Variants in CNTN5 observed in about 807,000 individuals in gnomAD.
CNTN5 encodes the protein contactin-5.
CNTN5 carries 77 observed loss-of-function variants against 129.1 expected under a neutral mutation model. The ratio of observed to expected loss-of-function variants is 0.60; its 90% CI spans 0.50 to 0.72. The LOEUF (loss-of-function observed/expected upper bound fraction) is 0.72, where lower values mean the gene tolerates loss of function less well. Ranked by LOEUF, CNTN5 falls within the 30% of genes least tolerant of loss-of-function variation. CNTN5 has a pLI of 0.00. For synonymous variants in CNTN5, 509 were observed against 465.6 expected (o/e 1.09, Z -1.20); for missense variants, 1,478 against 1,328.8 (o/e 1.11, Z -1.75).
intron 3 of CNTN5, among the ~76,000 whole-genome samples, chr11:99,708,432 C>A (rs183740867): frequency 3.2e-4 from 49 of 151,758 alleles, no homozygotes; most frequent in African/African-American, 1.2e-3. Context: ...CACAGTCAAT[C>A]AGTCAACATG....
In CNTN5 at chr11:99,930,363, T is replaced by A. The variant is rs554807360; in HGVS notation, c.673+14214T>A. Among the ~76,000 whole-genome samples, 3 of 152,318 alleles carry A rather than the reference T, an allele frequency of 2.0e-5. No homozygotes were observed. In the South Asian group the frequency reaches 6.2e-4, roughly 32 times the overall value. On this transcript the variant is annotated intron_variant, in intron 7 of 24. Transcript: ENST00000524871. ...TTCCACCATTTTGACCCTTACTGTG[T>A]ATGCCTGGATGTGTTTGTTCAATTC...
intron 2 of CNTN5, among the ~76,000 whole-genome samples, chr11:99,332,872 G>T (rs1055551794): frequency 6.6e-6 from 1 of 151,994 alleles, no homozygotes. Flanking sequence ...ATAGCCAGAG[G>T]TTCAAATATT....
At chr11:99,467,165 A>G (rs533122974) in intron 2 of CNTN5, among the ~76,000 whole-genome samples, 139 of 152,248 alleles carry the variant, frequency 9.1e-4, no homozygotes, top group African/African-American at 3.2e-3. Flanking sequence ...TATGTTTAAA[A>G]CATAAAAACA....
chr11:100,039,966 A>G (rs550000322), intron 9 of CNTN5, among the ~76,000 whole-genome samples: 1 of 151,994 alleles, frequency 6.6e-6, no homozygotes, highest in East Asian at 1.9e-4. Context: ...TCTTCTCTCA[A>G]CTCGTCAAAG....
intron 21 of CNTN5, chr11:100,337,613 A>G: frequency 1.4e-6 from 1 of 717,682 alleles, no homozygotes; most frequent in South Asian, 1.3e-5. Flanking sequence ...TTAAATCCAC[A>G]GATGCAGAAT....
At chr11:99,193,758 C>G (rs941162382) in intron 1 of CNTN5, among the ~76,000 whole-genome samples, 1 of 152,108 alleles carries the variant, frequency 6.6e-6, no homozygotes, top group Non-Finnish European at 1.5e-5. Flanking sequence ...AATTTAAATG[C>G]AAAGCCATTT....
At chr11:99,290,610 C>G (rs1038112854) in intron 1 of CNTN5, among the ~76,000 whole-genome samples, 1 of 151,826 alleles carries the variant, frequency 6.6e-6, no homozygotes, top group Non-Finnish European at 1.5e-5. Context: ...AAGTGCATTA[C>G]TTTTCTAGCA....
At chr11:99,132,894 GA>G (rs369062137) in intron 1 of CNTN5, among the ~76,000 whole-genome samples, 1 of 151,844 alleles carries the variant, frequency 6.6e-6, no homozygotes, top group East Asian at 1.9e-4. Context: ...CACAGTATTA[GA>G]AAAAAACTAT....
At chr11:99,607,785 T>A (rs1238576878) in intron 3 of CNTN5, among the ~76,000 whole-genome samples, 1 of 131,714 alleles carries the variant, frequency 7.6e-6, no homozygotes, top group Admixed American at 8.0e-5. Context: ...AGATGATGAG[T>A]TCATATCCTT....
In CNTN5 at chr11:99,238,689, C is replaced by G. The variant is rs1389337811; in HGVS notation, c.-209-86657C>G. On this transcript the variant is annotated intron_variant, in intron 1 of 24. Coordinates refer to ENST00000524871, the MANE Select transcript of CNTN5 (RefSeq NM_014361.4). ...TTTTTGTCAAAATTTTCACTAAGTT[C>G]TCCTCCAAGAATAGCATGTTTCTTG... Among the ~76,000 whole-genome samples, 5 of 152,080 alleles carry G rather than the reference C, an allele frequency of 3.3e-5. 1 individual carries two copies. Among genetic ancestry groups the G allele is most frequent in the Admixed American group, 3.3e-4 (5 of 15,278 alleles).
At position 99,380,782 on chromosome 11, in the gene CNTN5, A is replaced by AAAAAG. The variant is rs1555126508; in HGVS notation, c.-71+55308_-71+55312dup. Among the ~76,000 whole-genome samples the AAAAAG allele has an allele frequency of 2.1e-3, 286 of 137,766 alleles. 13 individuals carry two copies. The highest frequency in any genetic ancestry group is 0.016 in the Middle Eastern group (4 of 252). 90.4% of individuals were successfully genotyped at this position (137,766 alleles called of 152,430 possible). A position where few individuals can be genotyped will look rare whatever the true frequency, so the allele number is the denominator to read the frequency against. ...AAACTCTATCTCAAAAAAAAAAAAA[A>AAAAAG]AAAAGAAAAGAAAAAAGAAAAGAAA... On this transcript the variant is annotated intron_variant, in intron 2 of 24. Transcript: ENST00000524871.
chr11:100,336,940 C>T (rs1413886305), intron 21 of CNTN5: 12 of 667,074 alleles, frequency 1.8e-5, no homozygotes, highest in Admixed American at 4.1e-5. Flanking sequence ...GGCTTTGGAT[C>T]GCGGGCACCT....
intron 20 of CNTN5, among the ~76,000 whole-genome samples, chr11:100,305,131 A>G (rs982173117): frequency 6.6e-6 from 1 of 151,542 alleles, no homozygotes; most frequent in Admixed American, 6.6e-5. Flanking sequence ...CTTTATGCCA[A>G]TTTAAAAACA....
intron 4 of CNTN5, among the ~76,000 whole-genome samples, chr11:99,830,719 T>C (rs1008668355): frequency 2.6e-5 from 4 of 152,218 alleles, no homozygotes; most frequent in Non-Finnish European, 5.9e-5. Flanking sequence ...ATCAAAACTT[T>C]ATGACTTTAT....
intron 2 of CNTN5, among the ~76,000 whole-genome samples, chr11:99,383,339 T>C (rs61891996): frequency 0.052 from 7,982 of 152,228 alleles, 431 homozygotes; most frequent in East Asian, 0.19. Flanking sequence ...TCTATGGTTA[T>C]GTGATGAACA....
intron 2 of CNTN5, among the ~76,000 whole-genome samples, chr11:99,463,705 A>T (rs1166212233): frequency 6.6e-6 from 1 of 152,112 alleles, no homozygotes; most frequent in African/African-American, 2.4e-5. Flanking sequence ...ATGATTTGTA[A>T]TATTTGTTTG....
At chr11:99,131,309 A>T in intron 1 of CNTN5, among the ~76,000 whole-genome samples, 1 of 150,384 alleles carries the variant, frequency 6.6e-6, no homozygotes, top group Non-Finnish European at 1.5e-5. Flanking sequence ...AGCCTGAAAG[A>T]TCTCAGATCA....
intron 3 of CNTN5, among the ~76,000 whole-genome samples, chr11:99,735,680 A>C (rs1176946556): frequency 6.6e-6 from 1 of 152,202 alleles, no homozygotes; most frequent in East Asian, 1.9e-4. Flanking sequence ...ATAATTGACA[A>C]ACAGACGTTA....
intron 17 of CNTN5, among the ~76,000 whole-genome samples, chr11:100,258,256 C>A (rs1950119109): frequency 6.6e-6 from 1 of 151,946 alleles, no homozygotes; most frequent in South Asian, 2.1e-4. Flanking sequence ...TGAAAAGGAA[C>A]AAACAAAGCC....
Sources: allele counts gnomAD v4.1 joint callset (sites outside exome capture counted in the v4.1 genomes callset), GRCh38; gene constraint gnomAD v4.1.1; transcripts MANE v1.5; gene names NCBI Gene and HGNC (gene_info 2026-07-23, HGNC 2026-07-21).